Variants in MBD2 observed in about 807,000 individuals in gnomAD.
MBD2 encodes methyl-CpG-binding domain protein 2.
In MBD2, 9 loss-of-function variants were observed where a neutral mutation model predicts 39.3. The observed-to-expected ratio is 0.23, with a 90% CI of 0.14 to 0.40. MBD2 has a LOEUF of 0.40. Ranked by LOEUF, MBD2 falls within the 10% of genes least tolerant of loss-of-function variation. The pLI is 1.00. For synonymous variants in MBD2, 233 were observed against 211.1 expected, an observed-to-expected ratio of 1.10 and a Z score of -0.90; for missense variants, 458 against 532.6, an observed-to-expected ratio of 0.86 and a Z score of 1.38.
At chr18:54,189,869 A>G (rs148352957) in intron 2 of MBD2, among the ~76,000 whole-genome samples, 19 of 151,456 alleles carry the variant, frequency 1.3e-4, no homozygotes, top group African/African-American at 4.4e-4. Flanking sequence ...GGCTGGTCTC[A>G]AACTCCTGGA....
intron 2 of MBD2, among the ~76,000 whole-genome samples, chr18:54,201,865 A>T (rs1003746426): frequency 6.6e-6 from 1 of 150,754 alleles, no homozygotes; most frequent in African/African-American, 2.4e-5. Flanking sequence ...TCCATCTCAA[A>T]AAAAAAAAAA....
intron 2 of MBD2, among the ~76,000 whole-genome samples, chr18:54,200,106 A>G (rs1378216187): frequency 1.3e-5 from 2 of 152,240 alleles, no homozygotes; most frequent in East Asian, 1.9e-4. Context: ...AAATAATGGC[A>G]GACTTAACAC....
chr18:54,180,340 T>C (rs1244094148), intron 3 of MBD2, among the ~76,000 whole-genome samples: 5 of 152,124 alleles, frequency 3.3e-5, no homozygotes, highest in Non-Finnish European at 7.4e-5. Flanking sequence ...AGGTTAACTA[T>C]AATTATATTA....
chr18:54,213,425 A>G (rs2086527551), intron 1 of MBD2, among the ~76,000 whole-genome samples: 1 of 152,214 alleles, frequency 6.6e-6, no homozygotes, highest in South Asian at 2.1e-4. Context: ...GATCCATGGA[A>G]AAACCGTCTT....
At chr18:54,170,672 G>T (rs2086173475) in intron 3 of MBD2, among the ~76,000 whole-genome samples, 1 of 152,186 alleles carries the variant, frequency 6.6e-6, no homozygotes, top group African/African-American at 2.4e-5. Context: ...GGGGATGCTT[G>T]GTAGGATAAT....
Position 54,169,883 on chromosome 18 carries a change from C to T in MBD2, c.841-3717G>A, listed in dbSNP as rs541038561. ...CTCCCTCTAATCCTCACTAACCAGA[C>T]GCTCTGAGTACATCTAATATCTTGT... On this transcript the variant is annotated intron_variant, in intron 3 of 6. Transcript: ENST00000256429. Among the ~76,000 whole-genome samples the T allele has an allele frequency of 6.6e-5, 10 of 152,344 alleles. No homozygotes were observed. The South Asian group carries it at 8.3e-4, about 13-fold the overall frequency.
At chr18:54,190,243 A>G (rs980067022) in intron 2 of MBD2, among the ~76,000 whole-genome samples, 1 of 152,148 alleles carries the variant, frequency 6.6e-6, no homozygotes, top group Non-Finnish European at 1.5e-5. Context: ...TCATTTTGTT[A>G]TAACGATGAG....
At chr18:54,222,943 T>C (rs1485012499) in intron 1 of MBD2, among the ~76,000 whole-genome samples, 3 of 152,256 alleles carry the variant, frequency 2.0e-5, no homozygotes, top group African/African-American at 7.2e-5. Context: ...CCAGAGCTAC[T>C]TGAAGAGGAC....
chr18:54,188,041 C>T (rs1212678690), intron 3 of MBD2, among the ~76,000 whole-genome samples: 4 of 152,014 alleles, frequency 2.6e-5, no homozygotes, highest in African/African-American at 4.8e-5. Context: ...AGATAACCGT[C>T]GTAGGTAAAT....
chr18:54,221,473 T>C (rs1016991102), intron 1 of MBD2, among the ~76,000 whole-genome samples: 3 of 117,278 alleles, frequency 2.6e-5, no homozygotes, highest in Non-Finnish European at 3.6e-5. Flanking sequence ...AAAAAAAAAA[T>C]TATTAAGTTT....
intron 3 of MBD2, among the ~76,000 whole-genome samples, chr18:54,174,502 CTT>C (rs1013607586): frequency 6.6e-6 from 1 of 151,010 alleles, no homozygotes. Context: ...GTGGGTGCCT[CTT>C]TTTTTTTACT....
At chr18:54,191,481 A>C (rs1303161078) in intron 2 of MBD2, among the ~76,000 whole-genome samples, 1 of 152,216 alleles carries the variant, frequency 6.6e-6, no homozygotes, top group South Asian at 2.1e-4. Flanking sequence ...TTAAAAACTG[A>C]AAGATCTAGA....
chr18:54,181,267 T>C (rs2086250348), intron 3 of MBD2, among the ~76,000 whole-genome samples: 1 of 152,232 alleles, frequency 6.6e-6, no homozygotes, highest in Non-Finnish European at 1.5e-5. Flanking sequence ...AGACTGACCA[T>C]ATCTCCAGAC....
At chr18:54,212,816 G>T (rs1363708533) in intron 1 of MBD2, among the ~76,000 whole-genome samples, 3 of 151,854 alleles carry the variant, frequency 2.0e-5, no homozygotes, top group Non-Finnish European at 4.4e-5. Context: ...GATCACTTAA[G>T]CCATGAGTTC....
intron 1 of MBD2, among the ~76,000 whole-genome samples, chr18:54,220,260 C>T (rs930312216): frequency 5.9e-5 from 9 of 152,206 alleles, no homozygotes; most frequent in African/African-American, 2.2e-4. Context: ...ATGATGGCAA[C>T]AAACTTTTTC....
chr18:54,165,025 T>G (rs1434363397), intron 4 of MBD2, among the ~76,000 whole-genome samples: 1 of 152,240 alleles, frequency 6.6e-6, no homozygotes, highest in Non-Finnish European at 1.5e-5. Context: ...ACTAAACTTT[T>G]AAAAAGTTGG....
chr18:54,182,170 G>T (rs886912845), intron 3 of MBD2, among the ~76,000 whole-genome samples: 3 of 152,058 alleles, frequency 2.0e-5, no homozygotes, highest in Admixed American at 2.0e-4. Context: ...TTGAATGAAT[G>T]AATAATTTAA....
chr18:54,207,493 C>G (rs1004052600), intron 1 of MBD2, among the ~76,000 whole-genome samples: 5 of 152,180 alleles, frequency 3.3e-5, no homozygotes, highest in African/African-American at 1.2e-4. Context: ...TAGGCTAGCA[C>G]TGAACAAGGT....
chr18:54,224,667 C>G lies in MBD2; in HGVS notation c.-108G>C, dbSNP rs2086648639. 1.2e-6 allele frequency: 1 copy of G among 835,598 alleles called. No individual in the cohort carries two copies. The highest frequency in any genetic ancestry group is 1.6e-6 in the Non-Finnish European group (1 of 626,010). 51.8% of individuals were successfully genotyped at this position (835,598 alleles called of 1,614,324 possible). ...GCGCGCGGGGGACGCGCGCAAGCATCATAGAGCGGGCGCGCACAGAGCGGC... is the reference window on the plus strand; with the variant it reads ...GCGCGCGGGGGACGCGCGCAAGCATGATAGAGCGGGCGCGCACAGAGCGGC... On this transcript the variant is annotated 5_prime_UTR_variant, in exon 1 of 7. An upstream start codon of the reference 5' UTR is lost. Transcript: ENST00000256429.
Sources: allele counts gnomAD v4.1 joint callset (sites outside exome capture counted in the v4.1 genomes callset), GRCh38; gene constraint gnomAD v4.1.1; transcripts MANE v1.5; gene names NCBI Gene and HGNC (gene_info 2026-07-23, HGNC 2026-07-21).